NFIC: variants seen among roughly 807,000 people sequenced by gnomAD.
NFIC encodes the protein nuclear factor 1 C-type.
Under a neutral mutation model 54.4 loss-of-function variants are expected in NFIC, and 12 were observed. The ratio of observed to expected loss-of-function variants is 0.22; its 90% confidence interval spans 0.14 to 0.36. NFIC has a LOEUF of 0.36. Ranked by LOEUF, NFIC falls within the 10% of genes least tolerant of loss-of-function variation. NFIC has a pLI of 1.00. For synonymous variants in NFIC, 322 were observed against 319.2 expected (o/e 1.01, Z -0.09); for missense variants, 575 against 718.2 (o/e 0.80, Z 2.28).
chr19:3,465,430 TAAAAAAAAAA>T lies in NFIC; in HGVS notation c.*2676_*2685del, dbSNP rs10617203. ...AATAAAAAATAAGAAAGTGAGAATC[TAAAAAAAAAA>T]AAAAAAAAAAAAAAGGAAGAAAAAC... is the stretch of plus-strand genomic sequence containing the variant. On this transcript the variant is annotated 3_prime_UTR_variant, in exon 11 of 11. Coordinates refer to ENST00000443272, the MANE Select transcript of NFIC (RefSeq NM_001245002.2). 1.6e-5 allele frequency: 1 copy of T among 60,812 alleles called. No individual in the cohort carries two copies. Among genetic ancestry groups the T allele is most frequent in the Non-Finnish European group, 3.4e-5 (1 of 29,442 alleles). The allele number at this position is 60,812 out of a possible 1,614,324, so 3.8% of individuals were successfully genotyped here.
chr19:3,373,108 G>A (rs910740230), intron 1 of NFIC, among the ~76,000 whole-genome samples: 1 of 152,216 alleles, frequency 6.6e-6, no homozygotes, highest in Non-Finnish European at 1.5e-5. Flanking sequence ...GCCTCCCAAA[G>A]TGCTGGGATT....
intron 1 of NFIC, among the ~76,000 whole-genome samples, chr19:3,374,233 G>A (rs900718187): frequency 4.6e-5 from 7 of 152,164 alleles, no homozygotes; most frequent in South Asian, 2.1e-4. Flanking sequence ...AGTGCATGGC[G>A]TGGTCGTTCA....
At chr19:3,388,654 C>T (rs1376887710) in intron 2 of NFIC, among the ~76,000 whole-genome samples, 1 of 150,584 alleles carries the variant, frequency 6.6e-6, no homozygotes, top group Non-Finnish European at 1.5e-5. Context: ...ACGACCATGC[C>T]CCCCCCCAAC....
chr19:3,366,765 G>T, intron 1 of NFIC, 99 bp downstream of exon 1: 2 of 861,608 alleles, frequency 2.3e-6, no homozygotes, highest in Middle Eastern at 3.7e-4. Context: ...AAAGGCGCGC[G>T]TCCCTCCCGC....
At chr19:3,423,069 G>A (rs1387507463) in intron 2 of NFIC, among the ~76,000 whole-genome samples, 2 of 152,066 alleles carry the variant, frequency 1.3e-5, no homozygotes, top group South Asian at 2.1e-4. Flanking sequence ...GTGATGACGC[G>A]CGCCTGTAAT....
In NFIC at chr19:3,456,733, A is replaced by G. The variant is rs375125792; in HGVS notation, c.1509+98A>G. The G allele has an allele frequency of 1.4e-3, 1,694 of 1,202,128 alleles. 16 individuals carry two copies. In the African/African-American group the frequency reaches 0.023, roughly 16 times the overall value. 74.5% of individuals were successfully genotyped at this position (1,202,128 alleles called of 1,614,324 possible). A position where few individuals can be genotyped will look rare whatever the true frequency, so the allele number is the denominator to read the frequency against. On this transcript the variant is annotated intron_variant, in intron 10 of 10. Coordinates refer to ENST00000443272, the MANE Select transcript of NFIC (RefSeq NM_001245002.2). ...AAGAGGGCCTGCTGGGTCCCACGCCACACCCCTGGCACAGGGGCGCCAGCC... is the reference window on the plus strand; with the variant it reads ...AAGAGGGCCTGCTGGGTCCCACGCCGCACCCCTGGCACAGGGGCGCCAGCC...
chr19:3,456,791 C>A, intron 10 of NFIC, 156 bp downstream of exon 10: 1 of 730,042 alleles, frequency 1.4e-6, no homozygotes, highest in Admixed American at 2.4e-5. Flanking sequence ...GAGCCCCCAC[C>A]TGGCCTCTCC....
At chr19:3,398,636 C>A (rs2081502796) in intron 2 of NFIC, among the ~76,000 whole-genome samples, 1 of 152,148 alleles carries the variant, frequency 6.6e-6, no homozygotes, top group African/African-American at 2.4e-5. Flanking sequence ...GCCCTCGGAC[C>A]CGGGCTGTAC....
intron 7 of NFIC, among the ~76,000 whole-genome samples, chr19:3,451,673 AAG>A (rs1430500382): frequency 6.6e-6 from 1 of 151,808 alleles, no homozygotes; most frequent in East Asian, 1.9e-4. Context: ...CATTTGCAGA[AAG>A]AGCTTGCCAA....
At chr19:3,415,363 C>T (rs943691311) in intron 2 of NFIC, among the ~76,000 whole-genome samples, 1 of 151,786 alleles carries the variant, frequency 6.6e-6, no homozygotes, top group African/African-American at 2.4e-5. Flanking sequence ...TCAAGTAATC[C>T]TCCTGCCTCG....
chr19:3,410,242 G>A (rs1199829388), intron 2 of NFIC, among the ~76,000 whole-genome samples: 2 of 152,078 alleles, frequency 1.3e-5, no homozygotes, highest in African/African-American at 2.4e-5. Flanking sequence ...GGGTTTTACC[G>A]TGTTAGCTAG....
At chr19:3,431,186 G>A (rs1355544409) in intron 3 of NFIC, among the ~76,000 whole-genome samples, 1 of 151,332 alleles carries the variant, frequency 6.6e-6, no homozygotes, top group African/African-American at 2.4e-5. Flanking sequence ...ACCATGCCCG[G>A]CTAATTTTTG....
intron 1 of NFIC, among the ~76,000 whole-genome samples, chr19:3,367,750 G>T (rs2080923081): frequency 6.6e-6 from 1 of 152,224 alleles, no homozygotes; most frequent in Non-Finnish European, 1.5e-5. Context: ...CGGTTCTGGA[G>T]AGGGGACAGT....
At position 3,464,863 on chromosome 19, in the gene NFIC, T is replaced by A; in HGVS notation, c.*2094T>A. 4.9e-6 allele frequency: 1 copy of A among 203,446 alleles called. No homozygotes were observed. Among genetic ancestry groups the A allele is most frequent in the Non-Finnish European group, 8.4e-6 (1 of 118,422 alleles). The allele number at this position is 203,446 out of a possible 1,614,324, so 12.6% of individuals were successfully genotyped here. On this transcript the variant is annotated 3_prime_UTR_variant, in exon 11 of 11. Coordinates refer to ENST00000443272, the MANE Select transcript of NFIC (RefSeq NM_001245002.2). ...TTGGGGATCAAAGCGTGGGCCGCTC[T>A]CCGGGAGGGCGGGCGGGGGAGGGGG...
intron 6 of NFIC, among the ~76,000 whole-genome samples, chr19:3,440,094 A>G (rs1199655638): frequency 2.0e-5 from 3 of 152,158 alleles, no homozygotes; most frequent in Non-Finnish European, 4.4e-5. Flanking sequence ...GCTAAGCTAC[A>G]ACCGGGATGA....
chr19:3,366,442 A>C (rs2080883993), upstream of NFIC: 1 of 498,002 alleles, frequency 2.0e-6, no homozygotes, highest in African/African-American at 2.1e-5. Flanking sequence ...AGGGACAGAG[A>C]GCGAGGCGGG....
At chr19:3,404,873 G>A (rs888687193) in intron 2 of NFIC, among the ~76,000 whole-genome samples, 1 of 152,178 alleles carries the variant, frequency 6.6e-6, no homozygotes, top group African/African-American at 2.4e-5. Context: ...CCCACAAAGA[G>A]TGACACCGGG....
At chr19:3,434,957 G>A in intron 5 of NFIC, 126 bp from the exon 6 acceptor site, 2 of 1,297,594 alleles carry the variant, frequency 1.5e-6, no homozygotes, top group Non-Finnish European at 2.1e-6. Context: ...CGGCTCCCGC[G>A]ATGTCTCGCG....
intron 10 of NFIC, among the ~76,000 whole-genome samples, chr19:3,461,998 G>A (rs959870146): frequency 9.2e-5 from 14 of 151,968 alleles, no homozygotes; most frequent in East Asian, 1.9e-4. Context: ...AGGTTGCAAT[G>A]AGCCGAGATC....
Sources: allele counts gnomAD v4.1 joint callset (sites outside exome capture counted in the v4.1 genomes callset), GRCh38; gene constraint gnomAD v4.1.1; transcripts MANE v1.5; gene names NCBI Gene and HGNC (gene_info 2026-07-23, HGNC 2026-07-21).